The following MUC4 variants were observed in gnomAD, a reference collection of about 807,000 sequenced individuals.
MUC4 encodes the protein mucin 4, cell surface associated, also known as mucin-4.
A neutral mutation model predicts 257.9 loss-of-function variants in MUC4; 202 were observed. The observed-to-expected ratio is 0.78, with a 90% CI of 0.70 to 0.88. The LOEUF (loss-of-function observed/expected upper bound fraction) is 0.88. Among genes scored for constraint, MUC4 ranks in the 40% least tolerant of loss-of-function variants. The pLI is 0.00. For synonymous variants in MUC4, 2,351 were observed against 2,757.1 expected, an observed-to-expected ratio of 0.85 and a Z score of 4.62; for missense variants, 5,976 against 6,513.7, an observed-to-expected ratio of 0.92 and a Z score of 2.84.
chr3:195,750,267 C>T (rs1473916087), intron 23 of MUC4: 1 of 151,724 alleles, frequency 6.6e-6, no homozygotes, highest in African/African-American at 2.5e-5. Flanking sequence ...AATCCCATCT[C>T]ATTTTCAGAT....
Position 195,765,423 on chromosome 3 carries a change from G to C in MUC4, c.13645C>G (p.Leu4549Val). 1 of 1,613,480 alleles carries C rather than the reference G, an allele frequency of 6.2e-7. No homozygotes were observed. Among genetic ancestry groups the C allele is most frequent in the Non-Finnish European group, 8.5e-7 (1 of 1,179,980 alleles). The change falls in exon 9 of 25, where the codon CTA (leucine) becomes GTA (valine). Residue 4549 changes from leucine (L) to valine (V), a missense_variant. Coordinates refer to ENST00000463781, the MANE Select transcript of MUC4 (RefSeq NM_018406.7). ...TAGTTGGGCCTTTCTTCCCGGTGTA[G>C]CCTGTAGAACTGCAGCCCTTGGAGG... is the stretch of plus-strand genomic sequence containing the variant. ...SGLQGLQFYR[L>V]HREERPNYRL...
intron 7 of MUC4, 116 bp downstream of exon 7, chr3:195,768,906 A>G: frequency 1.5e-6 from 2 of 1,346,554 alleles, no homozygotes; most frequent in East Asian, 2.5e-5. Context: ...GTGAGTCAGA[A>G]GCACCAGCCA....
At chr3:195,765,832 A>C (rs1720344918) in intron 8 of MUC4, among the ~76,000 whole-genome samples, 1 of 152,174 alleles carries the variant, frequency 6.6e-6, no homozygotes, top group Non-Finnish European at 1.5e-5. Flanking sequence ...TTCTACCCGC[A>C]TGAAAGCTCT....
At chr3:195,793,369 G>A (rs968448982) in intron 1 of MUC4, among the ~76,000 whole-genome samples, 1 of 152,042 alleles carries the variant, frequency 6.6e-6, no homozygotes, top group Non-Finnish European at 1.5e-5. Context: ...GGGCGTGGTG[G>A]TGGGTGCCTG....
intron 3 of MUC4, among the ~76,000 whole-genome samples, chr3:195,776,630 C>A (rs1578162188): frequency 2.4e-5 from 1 of 41,008 alleles, no homozygotes; most frequent in Non-Finnish European, 4.7e-5. Flanking sequence ...CACACCCATA[C>A]CTTCCACAGT....
rs574716528 is a variant in MUC4 at position 195,762,034 on chromosome 3, C to G, written c.14512+53G>C. 1.3e-4 allele frequency: 206 copies of G among 1,531,330 alleles called. 1 individual carries two copies. In the East Asian group the frequency reaches 3.3e-3, roughly 25 times the overall value. The allele number at this position is 1,531,330 out of a possible 1,614,324, so 94.9% of individuals were successfully genotyped here. A position where few individuals can be genotyped will look rare whatever the true frequency, so the allele number is the denominator to read the frequency against. ...TGCCCGGGCCGCCGGCGTGGGGGTCCGAGCTCCGGCTGGCTCCGCGGAGCC... is the reference window on the plus strand; with the variant it reads ...TGCCCGGGCCGCCGGCGTGGGGGTCGGAGCTCCGGCTGGCTCCGCGGAGCC... On this transcript the variant is annotated intron_variant, in intron 14 of 24. Transcript: ENST00000463781.
chr3:195,789,109 G>C lies in MUC4; in HGVS notation c.2471C>G (p.Ser824Ter). 3 of 1,613,596 alleles carry C rather than the reference G, an allele frequency of 1.9e-6. No individual in the cohort carries two copies. In the South Asian group the frequency reaches 3.3e-5, roughly 18 times the overall value. ...TGATGAAAACCTTGTCGTCTCTCCT[G>C]AGGTGGATATTCCTTCGCTTCCTGA... Reference protein sequence around the residue: ...TPSGSEGISTSGETTRFSSNP... With the variant: ...TPSGSEGIST Residue 824 changes from serine to a stop codon, truncating the protein, a stop_gained, in exon 2 of 25, where the codon TCA (serine) becomes TGA (stop). Transcript: ENST00000463781. LOFTEE classifies it high-confidence loss of function.
Position 195,766,680 on chromosome 3 carries a change from A to T in MUC4, c.13601T>A (p.Phe4534Tyr), listed in dbSNP as rs1172502209. The T allele has an allele frequency of 1.9e-6, 3 of 1,614,150 alleles. No individual in the cohort carries two copies. In the South Asian group the frequency reaches 3.3e-5, roughly 18 times the overall value. Residue 4534 changes from phenylalanine to tyrosine, a missense_variant, in exon 8 of 25, where the codon TTC (phenylalanine) becomes TAC (tyrosine). By Grantham distance (22) the Phe-to-Tyr change is conservative (BLOSUM62 3). Coordinates refer to ENST00000463781, the MANE Select transcript of MUC4 (RefSeq NM_018406.7). ...PVWERYRPDRFLNSNSGLQGL... is the reference protein window; with the variant it reads ...PVWERYRPDRYLNSNSGLQGL... The stretch of plus-strand genomic sequence containing the variant: ...ACTTTTACCTGAGTTGGAATTCAGG[A>T]ATCTATCAGGGCGATACCTCTCCCA...
intron 1 of MUC4, among the ~76,000 whole-genome samples, chr3:195,796,027 C>T (rs993673839): frequency 6.6e-6 from 1 of 151,944 alleles, no homozygotes. Flanking sequence ...TATAATTTAT[C>T]AAAAATGAAT....
chr3:195,759,918 A>AACACACACACACACACGCACGCAC (rs11283958), intron 16 of MUC4, among the ~76,000 whole-genome samples: 1 of 149,734 alleles, frequency 6.7e-6, no homozygotes. Flanking sequence ...AAACTCCGTC[A>AACACACACACACACACGCACGCAC]ACACACACAC....
intron 1 of MUC4, among the ~76,000 whole-genome samples, chr3:195,811,120 CTCT>C (rs1202554635): frequency 2.0e-5 from 3 of 151,312 alleles, no homozygotes; most frequent in South Asian, 4.2e-4. Context: ...CACTTTTCTC[CTCT>C]TCTTATTTTT....
Position 195,779,330 on chromosome 3 carries a change from T to G in MUC4, c.12250A>C (p.Thr4084Pro). Residue 4084 changes from threonine (T) to proline (P), a missense_variant, in exon 2 of 25, where the codon ACC becomes CCC. Transcript: ENST00000463781. ...CCGGTGGATGCTGAGGAAGCATCGGTGACAGGAAGAGTGCTGGTGTCACCT... is the reference window on the plus strand; with the variant it reads ...CCGGTGGATGCTGAGGAAGCATCGGGGACAGGAAGAGTGCTGGTGTCACCT... ...SRGDTSTLPV[T>P]DASSASTGHA... is the part of the protein sequence containing the mutation. The G allele has an allele frequency of 9.2e-7, 1 of 1,082,706 alleles. No individual in the cohort carries two copies. The highest frequency in any genetic ancestry group is 1.3e-6 in the Non-Finnish European group (1 of 797,990). The allele number at this position is 1,082,706 out of a possible 1,614,324, so 67.1% of individuals were successfully genotyped here.
chr3:195,781,712 A>T lies in MUC4; in HGVS notation c.9868T>A (p.Ser3290Thr), dbSNP rs773454580. ...AGAAGAGGGGTGGTGTCACCTGTGG[A>T]TGATGAGGAAGTGTCGGTGACAGGA... The part of the protein sequence containing the change: ...SLPVTDTSSS[S>T]TGDTTPLLVT... The change falls in exon 2 of 25, where the codon TCC becomes ACC. Residue 3290 changes from serine to threonine, a missense_variant. Ser to Thr is a moderately conservative substitution (Grantham distance 58, BLOSUM62 1). Around this residue, in one of 44 missense-constraint regions of MUC4, gnomAD observed 51 missense variants for 66.9 expected, o/e 0.76. Coordinates refer to ENST00000463781, the MANE Select transcript of MUC4 (RefSeq NM_018406.7). The T allele has an allele frequency of 2.0e-6, 3 of 1,492,238 alleles. No individual in the cohort carries two copies. The South Asian group carries it at 3.6e-5, about 18-fold the overall frequency. The allele number at this position is 1,492,238 out of a possible 1,614,324, so 92.4% of individuals were successfully genotyped here. A position where few individuals can be genotyped will look rare whatever the true frequency, so the allele number is the denominator to read the frequency against.
At position 195,762,770 on chromosome 3, in the gene MUC4, G is replaced by GCCCGGCCCTGCACCACAACGCA. The variant is rs1560247022; in HGVS notation, c.14344+84_14344+85insTGCGTTGTGGTGCAGGGCCGGG. The GCCCGGCCCTGCACCACAACGCA allele has an allele frequency of 2.6e-5, 32 of 1,253,994 alleles. No homozygotes were observed. In the East Asian group the frequency reaches 3.2e-4, roughly 12 times the overall value. 77.7% of individuals were successfully genotyped at this position (1,253,994 alleles called of 1,614,324 possible). A position where few individuals can be genotyped will look rare whatever the true frequency, so the allele number is the denominator to read the frequency against. ...CGCACCCGGCCCTGCACCGCCACGC[G>GCCCGGCCCTGCACCACAACGCA]CCCGGCCCTGCACCGCAACGCGGCT... On this transcript the variant is annotated intron_variant, in intron 13 of 24. Coordinates refer to ENST00000463781, the MANE Select transcript of MUC4 (RefSeq NM_018406.7).
chr3:195,767,627 C>T (rs866080672), intron 7 of MUC4, among the ~76,000 whole-genome samples: 1 of 118,012 alleles, frequency 8.5e-6, no homozygotes, highest in African/African-American at 3.9e-5. Flanking sequence ...ACCATCACCA[C>T]CATCACCACC....
chr3:195,806,442 G>A (rs1383076232), intron 1 of MUC4, among the ~76,000 whole-genome samples: 1 of 152,222 alleles, frequency 6.6e-6, no homozygotes, highest in African/African-American at 2.4e-5. Context: ...TTTACCACAT[G>A]TGCAGTTGAG....
At chr3:195,749,216 G>T (rs1196609516) in intron 23 of MUC4, 152 bp from the exon 24 acceptor site, 27 of 927,416 alleles carry the variant, frequency 2.9e-5, no homozygotes, top group Non-Finnish European at 4.1e-5. Context: ...AGATCAGCAT[G>T]GTGGATAATA....
chr3:195,768,644 C>G (rs904146802), intron 7 of MUC4, among the ~76,000 whole-genome samples: 2 of 152,178 alleles, frequency 1.3e-5, no homozygotes, highest in Admixed American at 1.3e-4. Context: ...GTATCTGCCT[C>G]GTGGGGTGGC....
Position 195,780,436 on chromosome 3 carries a change from A to T in MUC4, c.11144T>A (p.Val3715Asp). The T allele has an allele frequency of 6.5e-7, 1 of 1,535,798 alleles. No homozygotes were observed. The highest frequency in any genetic ancestry group is 2.4e-5 in the East Asian group (1 of 40,842). The change falls in exon 2 of 25, where the codon GTC becomes GAC. Residue 3715 changes from valine (V) to aspartate (D), a missense_variant. By Grantham distance (152) the Val-to-Asp change is radical. This residue lies in a region of MUC4 where 330 missense variants were observed against 262.0 expected (regional missense o/e 1.26). Coordinates refer to ENST00000463781, the MANE Select transcript of MUC4 (RefSeq NM_018406.7). Reference sequence around the variant, plus strand: ...TGTAGATACTGAGGAAGTGCTGGTGACAGGAAGAGGGGTGGTGTGACCTGA... The same window carrying T: ...TGTAGATACTGAGGAAGTGCTGGTGTCAGGAAGAGGGGTGGTGTGACCTGA... ...SSSGHTTPLP[V>D]TSTSSVSTGH...
Sources: allele counts gnomAD v4.1 joint callset (sites outside exome capture counted in the v4.1 genomes callset), GRCh38; gene constraint gnomAD v4.1.1; regional missense constraint gnomAD v4.1.1; transcripts MANE v1.5; gene names NCBI Gene and HGNC (gene_info 2026-07-23, HGNC 2026-07-21).